NIM1K: variants seen among roughly 807,000 people sequenced by gnomAD.
The protein encoded by NIM1K is NIM1 serine/threonine protein kinase.
In NIM1K, 35 loss-of-function variants were observed where a neutral mutation model predicts 37.1. The ratio of observed to expected loss-of-function variants is 0.94; its 90% CI spans 0.72 to 1.25. The LOEUF (loss-of-function observed/expected upper bound fraction) is 1.25, where lower values mean the gene tolerates loss of function less well. Among genes scored for constraint, NIM1K ranks in the 50% most tolerant of loss-of-function variants. The pLI is 0.00. For missense variants in NIM1K, 564 were observed against 548.0 expected (o/e 1.03, Z -0.29); for synonymous variants, 234 against 206.6 (o/e 1.13, Z -1.14).
intron 2 of NIM1K, among the ~76,000 whole-genome samples, chr5:43,269,185 C>T (rs1429723640): frequency 6.6e-6 from 1 of 151,326 alleles, no homozygotes; most frequent in Non-Finnish European, 1.5e-5. Flanking sequence ...GTGGGGGCAC[C>T]TGTAATCCCA....
chr5:43,212,507 C>T (rs973000708), intron 1 of NIM1K, among the ~76,000 whole-genome samples: 1 of 151,598 alleles, frequency 6.6e-6, no homozygotes, highest in African/African-American at 2.4e-5. Flanking sequence ...GTTTCAGCAC[C>T]GTCGTCATGA....
At chr5:43,278,052 T>C (rs1237593028) in intron 3 of NIM1K, among the ~76,000 whole-genome samples, 1 of 143,288 alleles carries the variant, frequency 7.0e-6, no homozygotes, top group African/African-American at 2.6e-5. Flanking sequence ...TTCTGTTTCT[T>C]TTTTTTTTTT....
In NIM1K at chr5:43,226,649, G is replaced by T. The variant is rs112215598; in HGVS notation, c.-694-18433G>T. Among the ~76,000 whole-genome samples the T allele has an allele frequency of 1.7e-3, 257 of 152,304 alleles. 5 individuals are homozygous for T. Among genetic ancestry groups the T allele is most frequent in the African/African-American group, 5.8e-3 (242 of 41,568 alleles). On this transcript the variant is annotated intron_variant, in intron 1 of 3. Transcript: ENST00000326035. Reference sequence around the variant, plus strand: ...TAAAGAGGAACTAGATGGAGGACATGGTGAAGATAAAGTCATCTTCTGAGT... The same window carrying T: ...TAAAGAGGAACTAGATGGAGGACATTGTGAAGATAAAGTCATCTTCTGAGT...
chr5:43,265,826 G>T (rs1753138670), intron 2 of NIM1K, among the ~76,000 whole-genome samples: 1 of 152,164 alleles, frequency 6.6e-6, no homozygotes, highest in African/African-American at 2.4e-5. Flanking sequence ...CTTTCTGTTT[G>T]TTAGTTTTCC....
intron 1 of NIM1K, chr5:43,231,687 G>A (rs1752540967): frequency 5.7e-6 from 3 of 526,084 alleles, no homozygotes; most frequent in Non-Finnish European, 7.1e-6. Flanking sequence ...TTAAAGCATA[G>A]GTCAGTAGTT....
chr5:43,270,361 A>T (rs963572582), intron 2 of NIM1K, among the ~76,000 whole-genome samples: 8 of 152,326 alleles, frequency 5.3e-5, no homozygotes, highest in Non-Finnish European at 1.2e-4. Context: ...CAACATGTAA[A>T]GGAGTCTTAG....
intron 1 of NIM1K, among the ~76,000 whole-genome samples, chr5:43,238,106 G>A (rs1175082819): frequency 2.8e-5 from 4 of 143,692 alleles, no homozygotes; most frequent in Non-Finnish European, 4.5e-5. Flanking sequence ...GCAGTGGCAC[G>A]ATCTTGGCTC....
chr5:43,254,878 T>C (rs1411082781), intron 2 of NIM1K, among the ~76,000 whole-genome samples: 1 of 152,158 alleles, frequency 6.6e-6, no homozygotes, highest in Non-Finnish European at 1.5e-5. Flanking sequence ...TGCCCACTGG[T>C]TTTAAAAATT....
At position 43,245,806 on chromosome 5, in the gene NIM1K, C is replaced by T. The variant is rs1412173273; in HGVS notation, c.31C>T (p.Leu11=). The change falls in exon 2 of 4, where the codon CTG becomes TTG. Residue 11 remains leucine, a synonymous_variant. Coordinates refer to ENST00000326035, the MANE Select transcript of NIM1K (RefSeq NM_153361.4). The part of the protein sequence containing the change: MTAVYMNGGG[L]VNPHYARWDR... ...TGCAGTGTATATGAATGGAGGTGGC[C>T]TGGTGAACCCCCACTATGCCCGGTG... The T allele has an allele frequency of 1.9e-6, 3 of 1,610,434 alleles. No homozygotes were observed. The highest frequency in any genetic ancestry group is 2.2e-5 in the East Asian group (1 of 44,808).
chr5:43,221,433 G>A (rs1752379092), intron 1 of NIM1K, among the ~76,000 whole-genome samples: 1 of 132,824 alleles, frequency 7.5e-6, no homozygotes, highest in Non-Finnish European at 1.6e-5. Context: ...CCTGGGTGAT[G>A]AGTGAGACTG....
intron 1 of NIM1K, among the ~76,000 whole-genome samples, chr5:43,238,533 G>A (rs1752653291): frequency 1.3e-5 from 2 of 151,722 alleles, no homozygotes; most frequent in Non-Finnish European, 2.9e-5. Flanking sequence ...GGTTGAGCAT[G>A]GTTTCTTTCT....
intron 2 of NIM1K, among the ~76,000 whole-genome samples, chr5:43,260,737 T>A (rs1342042381): frequency 6.6e-6 from 1 of 152,114 alleles, no homozygotes; most frequent in Non-Finnish European, 1.5e-5. Context: ...ATTAGGTATA[T>A]CTCCTAATGC....
chr5:43,193,991 A>G (rs1180500578), intron 1 of NIM1K, among the ~76,000 whole-genome samples: 1 of 151,812 alleles, frequency 6.6e-6, no homozygotes, highest in Non-Finnish European at 1.5e-5. Context: ...TGTTTTTTTT[A>G]TTTTATTTTT....
chr5:43,243,702 G>A (rs776951559), intron 1 of NIM1K, among the ~76,000 whole-genome samples: 1 of 151,906 alleles, frequency 6.6e-6, no homozygotes, highest in Non-Finnish European at 1.5e-5. Flanking sequence ...TTGAGACAGG[G>A]TCCGGCATTG....
At chr5:43,277,476 A>C (rs1206524954) in intron 3 of NIM1K, 151 bp downstream of exon 3, 1 of 800,340 alleles carries the variant, frequency 1.2e-6, no homozygotes, top group Non-Finnish European at 1.9e-6. Flanking sequence ...TCTGGCTGGG[A>C]TCATGCTCCT....
intron 2 of NIM1K, among the ~76,000 whole-genome samples, chr5:43,267,359 A>G (rs139449017): frequency 6.6e-6 from 1 of 152,210 alleles, no homozygotes; most frequent in African/African-American, 2.4e-5. Context: ...CTCTTAGTTA[A>G]TCTAGTTAAT....
chr5:43,202,977 C>T (rs1395487502), intron 1 of NIM1K, among the ~76,000 whole-genome samples: 2 of 152,150 alleles, frequency 1.3e-5, no homozygotes, highest in African/African-American at 4.8e-5. Flanking sequence ...TTCTCATCAT[C>T]TAGACACAAT....
chr5:43,238,699 G>T (rs1752655464), intron 1 of NIM1K, among the ~76,000 whole-genome samples: 1 of 151,864 alleles, frequency 6.6e-6, no homozygotes, highest in Non-Finnish European at 1.5e-5. Context: ...TGGCTATGTG[G>T]CTTTCTTGAT....
intron 1 of NIM1K, among the ~76,000 whole-genome samples, chr5:43,215,290 C>T (rs1752283755): frequency 6.6e-6 from 1 of 152,222 alleles, no homozygotes; most frequent in African/African-American, 2.4e-5. Context: ...CTTCAATCAG[C>T]CGCACATCAG....
Sources: allele counts gnomAD v4.1 joint callset (sites outside exome capture counted in the v4.1 genomes callset), GRCh38; gene constraint gnomAD v4.1.1; transcripts MANE v1.5; gene names NCBI Gene and HGNC (gene_info 2026-07-23, HGNC 2026-07-21).